The following SPOCK1 variants were observed in gnomAD, a reference collection of about 807,000 sequenced individuals.
The protein encoded by SPOCK1 is testican-1.
SPOCK1 carries 23 observed loss-of-function variants against 55.3 expected under a neutral mutation model. The observed-to-expected ratio is 0.42, with a 90% CI of 0.30 to 0.59. SPOCK1 has a LOEUF of 0.59. SPOCK1 is among the 20% of genes least tolerant of loss of function. The probability of loss-of-function intolerance (pLI) is 0.22; values close to 1 mark genes in which losing one functional copy is unlikely to be tolerated. For synonymous variants in SPOCK1, 226 were observed against 221.0 expected, an observed-to-expected ratio of 1.02 and a Z score of -0.20; for missense variants, 499 against 552.5, an observed-to-expected ratio of 0.90 and a Z score of 0.97.
At chr5:137,098,109 C>T (rs114190238) in intron 5 of SPOCK1, among the ~76,000 whole-genome samples, 1 of 152,326 alleles carries the variant, frequency 6.6e-6, no homozygotes, top group Non-Finnish European at 1.5e-5. Context: ...GTGACACATA[C>T]TGTTCGATGA....
At chr5:137,453,118 G>A (rs1177380607) in intron 2 of SPOCK1, among the ~76,000 whole-genome samples, 2 of 152,128 alleles carry the variant, frequency 1.3e-5, no homozygotes, top group Non-Finnish European at 2.9e-5. Context: ...TTCTCCAAAT[G>A]TCACAACTAG....
intron 2 of SPOCK1, among the ~76,000 whole-genome samples, chr5:137,441,335 G>A (rs140860194): frequency 2.4e-4 from 37 of 152,352 alleles, no homozygotes; most frequent in African/African-American, 8.2e-4. Flanking sequence ...TGTCACCTCA[G>A]AGTCTCCTCA....
chr5:137,391,403 C>T (rs1216644294), intron 2 of SPOCK1, among the ~76,000 whole-genome samples: 1 of 152,006 alleles, frequency 6.6e-6, no homozygotes, highest in African/African-American at 2.4e-5. Flanking sequence ...CTGGATGAGG[C>T]TAAGGAAACG....
intron 2 of SPOCK1, among the ~76,000 whole-genome samples, chr5:137,343,194 G>A (rs747266383): frequency 2.3e-4 from 35 of 152,212 alleles, no homozygotes; most frequent in Non-Finnish European, 4.8e-4. Context: ...GGGTTTGGCT[G>A]TCCCCTCTCC....
At chr5:137,126,945 A>T (rs1580764547) in intron 4 of SPOCK1, among the ~76,000 whole-genome samples, 1 of 152,338 alleles carries the variant, frequency 6.6e-6, no homozygotes, top group African/African-American at 2.4e-5. Flanking sequence ...TGCTTACAGT[A>T]AAATGACTCA....
chr5:137,161,817 G>A (rs570983742), intron 3 of SPOCK1, among the ~76,000 whole-genome samples: 12 of 152,112 alleles, frequency 7.9e-5, no homozygotes, highest in African/African-American at 1.9e-4. Flanking sequence ...TTTTTAAAAC[G>A]TATCTTTTTC....
intron 2 of SPOCK1, among the ~76,000 whole-genome samples, chr5:137,353,018 C>T (rs1210108486): frequency 6.6e-6 from 1 of 152,172 alleles, no homozygotes; most frequent in African/African-American, 2.4e-5. Context: ...CACTGCAGTA[C>T]TGGTCAAGTC....
intron 3 of SPOCK1, among the ~76,000 whole-genome samples, chr5:137,186,891 C>T (rs1194792316): frequency 1.3e-5 from 2 of 152,164 alleles, no homozygotes; most frequent in Non-Finnish European, 2.9e-5. Flanking sequence ...CCATTAACTC[C>T]AAAGGCCACA....
chr5:137,114,540 T>G (rs1000304326), intron 4 of SPOCK1, among the ~76,000 whole-genome samples: 1 of 152,212 alleles, frequency 6.6e-6, no homozygotes, highest in African/African-American at 2.4e-5. Context: ...ATTTATAAAT[T>G]ACATGGGCAT....
intron 2 of SPOCK1, among the ~76,000 whole-genome samples, chr5:137,356,828 T>TAGAGAGAG (rs1750820221): frequency 3.4e-4 from 5 of 14,914 alleles, no homozygotes; most frequent in Non-Finnish European, 5.1e-4. Flanking sequence ...TATATATATA[T>TAGAGAGAG]ATATATATAT....
At chr5:137,098,574 C>T (rs1425602785) in intron 5 of SPOCK1, among the ~76,000 whole-genome samples, 2 of 152,204 alleles carry the variant, frequency 1.3e-5, no homozygotes, top group Non-Finnish European at 2.9e-5. Context: ...GTGGATGGAG[C>T]CTGAACACCT....
At chr5:137,437,983 G>A (rs989158791) in intron 2 of SPOCK1, among the ~76,000 whole-genome samples, 1 of 152,128 alleles carries the variant, frequency 6.6e-6, no homozygotes, top group Non-Finnish European at 1.5e-5. Flanking sequence ...ACTACTCTAA[G>A]TATCTCATAT....
At chr5:136,997,271 C>A (rs949258071) in intron 6 of SPOCK1, among the ~76,000 whole-genome samples, 4 of 152,106 alleles carry the variant, frequency 2.6e-5, no homozygotes, top group Non-Finnish European at 5.9e-5. Flanking sequence ...TGGGAATTGT[C>A]CTGGTTCACA....
At chr5:137,221,289 A>G (rs1755841985) in intron 3 of SPOCK1, among the ~76,000 whole-genome samples, 1 of 152,218 alleles carries the variant, frequency 6.6e-6, no homozygotes. Flanking sequence ...ACATGGCTTC[A>G]TGTTATAAAA....
At chr5:136,991,090 C>G (rs915318583) in intron 7 of SPOCK1, among the ~76,000 whole-genome samples, 2 of 152,084 alleles carry the variant, frequency 1.3e-5, no homozygotes, top group Non-Finnish European at 2.9e-5. Context: ...AACCTAAAAG[C>G]CTCTTAGGGG....
chr5:137,206,672 T>C (rs911242523), intron 3 of SPOCK1, among the ~76,000 whole-genome samples: 1 of 152,232 alleles, frequency 6.6e-6, no homozygotes, highest in Non-Finnish European at 1.5e-5. Context: ...ATTCTACAAA[T>C]TAAAGTTGCT....
chr5:137,476,893 C>T (rs1753847959), intron 2 of SPOCK1, among the ~76,000 whole-genome samples: 1 of 151,990 alleles, frequency 6.6e-6, no homozygotes, highest in Non-Finnish European at 1.5e-5. Context: ...GCACTGCACT[C>T]CAGCCTGGAC....
chr5:137,309,598 G>A (rs1047812024), intron 2 of SPOCK1, among the ~76,000 whole-genome samples: 12 of 152,178 alleles, frequency 7.9e-5, no homozygotes, highest in African/African-American at 2.9e-4. Context: ...TCTGTCATGG[G>A]TTGAGTGCGC....
chr5:137,334,405 T>C lies in SPOCK1; in HGVS notation c.187-67350A>G, dbSNP rs146986997. On this transcript the variant is annotated intron_variant, in intron 2 of 10. Coordinates refer to ENST00000394945, the MANE Select transcript of SPOCK1 (RefSeq NM_004598.4). ...AAGATGTTTGGGGAGTCCTTTAAGC[T>C]CCGTGCAAGAAAGTAAATGGTTTGA... 1.9e-3 allele frequency among the ~76,000 whole-genome samples: 282 copies of C among 152,234 alleles called. 4 individuals are homozygous for C. The highest frequency in any genetic ancestry group is 6.8e-3 in the Middle Eastern group (2 of 294).
Sources: allele counts gnomAD v4.1 joint callset (sites outside exome capture counted in the v4.1 genomes callset), GRCh38; gene constraint gnomAD v4.1.1; transcripts MANE v1.5; gene names NCBI Gene and HGNC (gene_info 2026-07-23, HGNC 2026-07-21).